Variants in DLG2 observed in about 807,000 individuals in gnomAD.
DLG2 encodes the protein disks large homolog 2.
DLG2 carries 45 observed loss-of-function variants against 132.5 expected under a neutral mutation model. The ratio of observed to expected loss-of-function variants is 0.34; its 90% confidence interval spans 0.27 to 0.44. The LOEUF is 0.44. Ranked by LOEUF, DLG2 falls within the 20% of genes least tolerant of loss-of-function variation. The pLI, the probability that DLG2 is intolerant of heterozygous loss-of-function variation, is 1.00. For missense variants in DLG2, 1,045 were observed against 1,196.9 expected, an observed-to-expected ratio of 0.87 and a Z score of 1.87; for synonymous variants, 424 against 419.6, an observed-to-expected ratio of 1.01 and a Z score of -0.13.
At chr11:84,116,695 A>G (rs2093650580) in intron 9 of DLG2, among the ~76,000 whole-genome samples, 1 of 152,200 alleles carries the variant, frequency 6.6e-6, no homozygotes, top group South Asian at 2.1e-4. Flanking sequence ...CAGCCAAACC[A>G]TATCACATGT....
rs558594669 is a variant in DLG2 at position 83,638,219 on chromosome 11, C to T, written c.1826-4894G>A. 6.6e-5 allele frequency among the ~76,000 whole-genome samples: 10 copies of T among 152,200 alleles called. No homozygotes were observed. In the South Asian group the frequency reaches 2.1e-3, roughly 32 times the overall value. ...TTTTGAGTATGTAAAGCCAGTTGTT[C>T]CTGACTAGGTGCATTTAATTTGGGG... On this transcript the variant is annotated intron_variant, in intron 18 of 27. Coordinates refer to ENST00000376104, the MANE Select transcript of DLG2 (RefSeq NM_001142699.3).
intron 6 of DLG2, among the ~76,000 whole-genome samples, chr11:84,712,946 T>C (rs2060614728): frequency 1.3e-5 from 2 of 152,068 alleles, no homozygotes; most frequent in African/African-American, 4.8e-5. Flanking sequence ...TGACCTTGAG[T>C]AAGTCATATT....
intron 11 of DLG2, among the ~76,000 whole-genome samples, chr11:83,983,139 A>G (rs1248447855): frequency 6.6e-6 from 1 of 152,130 alleles, no homozygotes; most frequent in Non-Finnish European, 1.5e-5. Flanking sequence ...ATTTTAAAGG[A>G]ATAATTAATA....
In DLG2 at chr11:83,749,079, T is replaced by C. The variant is rs61900026; in HGVS notation, c.1825+37611A>G. On this transcript the variant is annotated intron_variant, in intron 18 of 27. Transcript: ENST00000376104. ...TCATTAGTGGTCATGGCTCCCCATA[T>C]GGCTTTTGTGGGTTGACCATCATAG... Among the ~76,000 whole-genome samples, 770 of 152,286 alleles carry C rather than the reference T, an allele frequency of 5.1e-3. 2 individuals carry two copies. The highest frequency in any genetic ancestry group is 0.017 in the Middle Eastern group (5 of 294).
chr11:85,473,820 T>G (rs1371310315), intron 3 of DLG2, among the ~76,000 whole-genome samples: 1 of 151,728 alleles, frequency 6.6e-6, no homozygotes, highest in African/African-American at 2.4e-5. Flanking sequence ...AGAACAGAAG[T>G]AGAAGTCACA....
chr11:84,964,785 C>T (rs3851172), intron 6 of DLG2, among the ~76,000 whole-genome samples: 68,309 of 151,828 alleles, frequency 0.45, 16,980 homozygotes, highest in African/African-American at 0.66. Context: ...ATAGCAGCTA[C>T]AGGAGCCTAC....
At chr11:84,836,762 A>G (rs1009634403) in intron 6 of DLG2, among the ~76,000 whole-genome samples, 1 of 151,794 alleles carries the variant, frequency 6.6e-6, no homozygotes, top group Non-Finnish European at 1.5e-5. Context: ...CATAACATTG[A>G]TTTTATTTTT....
chr11:84,447,747 C>G (rs1364186299), intron 7 of DLG2, among the ~76,000 whole-genome samples: 1 of 152,028 alleles, frequency 6.6e-6, no homozygotes, highest in Non-Finnish European at 1.5e-5. Context: ...AACAAAAACT[C>G]AAATGGGTCC....
chr11:83,544,880 C>T (rs934916390), intron 19 of DLG2, among the ~76,000 whole-genome samples: 5 of 152,160 alleles, frequency 3.3e-5, no homozygotes, highest in African/African-American at 4.8e-5. Context: ...TTATGTGGCT[C>T]AATTTCCCCA....
intron 18 of DLG2, among the ~76,000 whole-genome samples, chr11:83,750,976 C>T (rs2093267929): frequency 6.6e-6 from 1 of 152,156 alleles, no homozygotes; most frequent in African/African-American, 2.4e-5. Context: ...ACAAGATAAA[C>T]TCTCTGTCCT....
At chr11:84,131,984 C>T (rs1049105072) in intron 9 of DLG2, among the ~76,000 whole-genome samples, 3 of 151,548 alleles carry the variant, frequency 2.0e-5, no homozygotes, top group South Asian at 2.1e-4. Flanking sequence ...CGTTTGAACA[C>T]GTACACACAC....
Position 84,622,571 on chromosome 11 carries a change from G to A in DLG2, c.358-87840C>T, listed in dbSNP as rs186657735. On this transcript the variant is annotated intron_variant, in intron 6 of 27. Coordinates refer to ENST00000376104, the MANE Select transcript of DLG2 (RefSeq NM_001142699.3). ...TGAGAATCAATGGGACCAGCAACAC[G>A]TGTTAGGTGTTTCACAGAAGTGGAG... is the stretch of plus-strand genomic sequence containing the variant. Among the ~76,000 whole-genome samples, 86 of 152,270 alleles carry A rather than the reference G, an allele frequency of 5.6e-4. 1 individual carries two copies. Among genetic ancestry groups the A allele is most frequent in the Middle Eastern group, 3.4e-3 (1 of 292 alleles).
At chr11:85,301,103 AG>A (rs2079558679) in intron 3 of DLG2, among the ~76,000 whole-genome samples, 1 of 152,046 alleles carries the variant, frequency 6.6e-6, no homozygotes, top group African/African-American at 2.4e-5. Context: ...CAGCAGGCTA[AG>A]GTAGGAGACT....
chr11:84,694,121 A>G (rs1265523053), intron 6 of DLG2, among the ~76,000 whole-genome samples: 1 of 151,632 alleles, frequency 6.6e-6, no homozygotes, highest in Non-Finnish European at 1.5e-5. Context: ...GAGCCAAACA[A>G]GTATTGGAGA....
At chr11:85,290,589 G>C (rs2078833409) in intron 3 of DLG2, among the ~76,000 whole-genome samples, 1 of 151,978 alleles carries the variant, frequency 6.6e-6, no homozygotes, top group Non-Finnish European at 1.5e-5. Context: ...AAGGAAGATG[G>C]CAAGTGAAGA....
rs7939228 is a variant in DLG2, at chr11:83,706,818, T to C, written c.1826-73493A>G. ...AGGCGTGGCAGCTAAGGCAAGGTGG[T>C]GTCAGTTACACCTGGATGAAGCTGG... On this transcript the variant is annotated intron_variant, in intron 18 of 27. Coordinates refer to ENST00000376104, the MANE Select transcript of DLG2 (RefSeq NM_001142699.3). Among the ~76,000 whole-genome samples the C allele has an allele frequency of 6.3e-3, 962 of 152,236 alleles. 7 individuals carry two copies. Among genetic ancestry groups the C allele is most frequent in the African/African-American group, 0.022 (911 of 41,542 alleles).
chr11:84,455,677 C>G (rs2099063435), intron 7 of DLG2, among the ~76,000 whole-genome samples: 1 of 151,264 alleles, frequency 6.6e-6, no homozygotes, highest in Admixed American at 6.6e-5. Context: ...ATACATACAA[C>G]ACATACTAGA....
chr11:84,717,016 A>G (rs550289081), intron 6 of DLG2, among the ~76,000 whole-genome samples: 1 of 152,118 alleles, frequency 6.6e-6, no homozygotes, highest in South Asian at 2.1e-4. Flanking sequence ...ATGCAACAAG[A>G]CGGACCCTGG....
intron 6 of DLG2, among the ~76,000 whole-genome samples, chr11:84,799,765 C>T (rs2075138365): frequency 6.6e-6 from 1 of 152,148 alleles, no homozygotes. Flanking sequence ...AGGAAATATT[C>T]AAGAGGTAGT....
Sources: allele counts gnomAD v4.1 joint callset (sites outside exome capture counted in the v4.1 genomes callset), GRCh38; gene constraint gnomAD v4.1.1; transcripts MANE v1.5; gene names NCBI Gene and HGNC (gene_info 2026-07-23, HGNC 2026-07-21).